Variants in HIVEP1 observed in about 807,000 individuals in gnomAD.
The protein encoded by HIVEP1 is HIVEP zinc finger 1.
HIVEP1 carries 36 observed loss-of-function variants against 180.0 expected under a neutral mutation model. That is an observed-to-expected ratio of 0.20 (90% CI 0.15 to 0.26). The LOEUF is 0.26. Ranked by LOEUF, HIVEP1 falls within the 10% of genes least tolerant of loss-of-function variation. HIVEP1 has a pLI of 1.00. For missense variants in HIVEP1, 3,143 were observed against 3,268.7 expected, an observed-to-expected ratio of 0.96 and a Z score of 0.94; for synonymous variants, 1,239 against 1,239.0, an observed-to-expected ratio of 1.00 and a Z score of 0.00.
intron 7 of HIVEP1, among the ~76,000 whole-genome samples, chr6:12,152,826 G>A (rs199828758): frequency 6.2e-5 from 1 of 16,086 alleles, no homozygotes; most frequent in Admixed American, 5.3e-4. Context: ...AAGCCACCCT[G>A]GGTGTCTTCT....
chr6:12,069,962 G>C (rs929734362), intron 2 of HIVEP1, among the ~76,000 whole-genome samples: 2 of 151,160 alleles, frequency 1.3e-5, no homozygotes, highest in Non-Finnish European at 2.9e-5. Context: ...TAAGAACTAA[G>C]ACACACACAC....
chr6:12,057,918 A>G (rs1277356853), intron 2 of HIVEP1, among the ~76,000 whole-genome samples: 1 of 152,214 alleles, frequency 6.6e-6, no homozygotes, highest in African/African-American at 2.4e-5. Context: ...CTCGGCATGT[A>G]GTTTGCACTC....
intron 2 of HIVEP1, among the ~76,000 whole-genome samples, chr6:12,017,066 A>G (rs1767817259): frequency 6.6e-6 from 1 of 152,210 alleles, no homozygotes; most frequent in Non-Finnish European, 1.5e-5. Flanking sequence ...TGAAGGTGTT[A>G]TTTATTAGGC....
intron 2 of HIVEP1, among the ~76,000 whole-genome samples, chr6:12,056,937 A>G (rs1156401436): frequency 6.6e-6 from 1 of 151,976 alleles, no homozygotes; most frequent in East Asian, 1.9e-4. Flanking sequence ...CCTGAGCTCA[A>G]GTGATCCTCC....
At chr6:12,210,503 C>T in the HIVEP1 span, among the ~76,000 whole-genome samples, 1 of 152,044 alleles carries the variant, frequency 6.6e-6, no homozygotes, top group Non-Finnish European at 1.5e-5. Context: ...AATGTAAAAG[C>T]CATCAATAAT....
At chr6:12,043,490 T>A (rs946105708) in intron 2 of HIVEP1, among the ~76,000 whole-genome samples, 1 of 150,016 alleles carries the variant, frequency 6.7e-6, no homozygotes, top group African/African-American at 2.5e-5. Context: ...GCCTCCCAAA[T>A]AGCTGGGATT....
At chr6:12,161,097 T>C (rs1345102255) in intron 7 of HIVEP1, among the ~76,000 whole-genome samples, 1 of 152,186 alleles carries the variant, frequency 6.6e-6, no homozygotes, top group African/African-American at 2.4e-5. Context: ...ATTTTATATG[T>C]AGTTCAGTTG....
intron 3 of HIVEP1, among the ~76,000 whole-genome samples, chr6:12,112,754 G>A (rs1774981722): frequency 6.6e-6 from 1 of 152,100 alleles, no homozygotes; most frequent in Non-Finnish European, 1.5e-5. Flanking sequence ...GGGTGGGGAG[G>A]GGAGGGTTGC....
chr6:12,082,680 C>T (rs980675805), intron 2 of HIVEP1, among the ~76,000 whole-genome samples: 8 of 152,140 alleles, frequency 5.3e-5, no homozygotes, highest in Non-Finnish European at 1.0e-4. Flanking sequence ...TTTGCCTTTC[C>T]AAACCCTAAT....
Position 12,122,444 on chromosome 6 carries a change from TAACGCTC to T in HIVEP1, c.2650_2656del (p.Asn884LeufsTer12), listed in dbSNP as rs1290338888. On this transcript the variant is annotated frameshift_variant, in exon 4 of 9. Coordinates refer to ENST00000379388, the MANE Select transcript of HIVEP1 (RefSeq NM_002114.4). LOFTEE classifies it high-confidence loss of function. ...ATGATGATGTCTTTGTATCGGGACC[TAACGCTC>T]CTGTGCCCCAGAGTGGGCATCCCCG... 6.2e-7 allele frequency: 1 copy of T among 1,614,226 alleles called. No individual in the cohort carries two copies. Among genetic ancestry groups the T allele is most frequent in the South Asian group, 1.1e-5 (1 of 91,090 alleles).
rs1760585651 is a variant in HIVEP1, at chr6:12,164,001, A to T, written c.7697A>T (p.Gln2566Leu). The T allele has an allele frequency of 6.2e-7, 1 of 1,614,004 alleles. No individual in the cohort carries two copies. The highest frequency in any genetic ancestry group is 8.5e-7 in the Non-Finnish European group (1 of 1,180,044). The stretch of plus-strand genomic sequence containing the variant: ...GTCAGTCAAGTAGCCGTTGATGCAC[A>T]GGGAGCTCCAGAAATGCCAGCTTCC... The part of the protein sequence containing the change: ...PSVSQVAVDA[Q>L]GAPEMPASQS... Residue 2566 changes from glutamine to leucine, a missense_variant, in exon 9 of 9, where the codon CAG (glutamine) becomes CTG (leucine). By Grantham distance (113) the Gln-to-Leu change is moderately radical. Around this residue, in one of 12 missense-constraint regions of HIVEP1, gnomAD observed 595 missense variants for 602.2 expected, o/e 0.99. Coordinates refer to ENST00000379388, the MANE Select transcript of HIVEP1 (RefSeq NM_002114.4).
intron 2 of HIVEP1, among the ~76,000 whole-genome samples, chr6:12,046,170 G>T (rs1456944797): frequency 1.3e-5 from 2 of 152,120 alleles, no homozygotes; most frequent in African/African-American, 4.8e-5. Flanking sequence ...AGATTTTATA[G>T]ACTTTATGTT....
At chr6:12,147,012 A>G (rs1330637669) in intron 7 of HIVEP1, among the ~76,000 whole-genome samples, 1 of 152,158 alleles carries the variant, frequency 6.6e-6, no homozygotes, top group Admixed American at 6.5e-5. Context: ...GAGGGAAAGG[A>G]AGGGCAAACA....
downstream of HIVEP1, among the ~76,000 whole-genome samples, chr6:12,168,522 T>G (rs1421965158): frequency 2.6e-5 from 4 of 151,376 alleles, no homozygotes; most frequent in African/African-American, 9.7e-5. Context: ...TACAGACTGT[T>G]CACAACTTAC....
intron 2 of HIVEP1, among the ~76,000 whole-genome samples, chr6:12,081,257 T>G (rs1486063372): frequency 1.3e-5 from 2 of 152,156 alleles, no homozygotes; most frequent in Non-Finnish European, 2.9e-5. Flanking sequence ...ATGCATGGAT[T>G]TCCACATTCA....
chr6:12,117,735 G>A (rs551459441), intron 3 of HIVEP1, among the ~76,000 whole-genome samples: 19 of 152,296 alleles, frequency 1.2e-4, no homozygotes, highest in African/African-American at 4.3e-4. Context: ...GCCTGACATG[G>A]GTAGATTATT....
chr6:12,153,202 T>C (rs940735180), intron 7 of HIVEP1, among the ~76,000 whole-genome samples: 1 of 152,214 alleles, frequency 6.6e-6, no homozygotes, highest in Non-Finnish European at 1.5e-5. Context: ...CCTACAAACA[T>C]TGAATTCATG....
chr6:12,151,160 A>G (rs1460388246), intron 7 of HIVEP1, among the ~76,000 whole-genome samples: 1 of 152,236 alleles, frequency 6.6e-6, no homozygotes, highest in Non-Finnish European at 1.5e-5. Flanking sequence ...TTGCTACATC[A>G]TATGCCTGAT....
rs369913771 is a variant in HIVEP1 at position 12,033,768 on chromosome 6, A to C, written c.40+18100A>C. On this transcript the variant is annotated intron_variant, in intron 2 of 8. Transcript: ENST00000379388. ...CTTTTTAAAAAAATATTAAGTTTTT[A>C]AAAGCCAAATCTCTAGACACTTCTT... Among the ~76,000 whole-genome samples the C allele has an allele frequency of 2.6e-5, 4 of 152,266 alleles. No individual in the cohort carries two copies. In the East Asian group the frequency reaches 5.8e-4, roughly 22 times the overall value.
Sources: gnomAD v4.1 joint callset for allele counts (sites outside exome capture counted in the v4.1 genomes callset) on GRCh38, gnomAD v4.1.1 for gene constraint, gnomAD v4.1.1 regional missense constraint, MANE v1.5 for transcripts, NCBI Gene and HGNC (gene_info 2026-07-23, HGNC 2026-07-21) for gene names.